Variants in MRPS18A observed in about 807,000 individuals in gnomAD.
MRPS18A encodes the protein mitochondrial ribosomal protein S18A, also known as large ribosomal subunit protein mL66.
In MRPS18A, 20 loss-of-function variants were observed where a neutral mutation model predicts 22.7. The observed-to-expected ratio is 0.88, with a 90% CI of 0.62 to 1.28. MRPS18A has a LOEUF of 1.28. Ranked by LOEUF, MRPS18A falls within the 50% of genes most tolerant of loss-of-function variation. The pLI is 0.00. For synonymous variants in MRPS18A, 106 were observed against 99.1 expected, an observed-to-expected ratio of 1.07 and a Z score of -0.41; for missense variants, 294 against 262.6, an observed-to-expected ratio of 1.12 and a Z score of -0.83.
intron 1 of MRPS18A, among the ~76,000 whole-genome samples, chr6:43,682,076 A>C (rs978956934): frequency 4.6e-5 from 7 of 152,158 alleles, no homozygotes; most frequent in African/African-American, 1.4e-4. Context: ...CTGAGGCGGG[A>C]AGAAATACTT....
chr6:43,675,524 C>T lies in MRPS18A; in HGVS notation c.346G>A (p.Glu116Lys), dbSNP rs746749172. 24 of 1,614,040 alleles carry T rather than the reference C, an allele frequency of 1.5e-5. No homozygotes were observed. In the East Asian group the frequency reaches 1.8e-4, roughly 12 times the overall value. The change falls in exon 4 of 6, where the codon GAG becomes AAG. Residue 116 changes from glutamate to lysine, a missense_variant. Coordinates refer to ENST00000372133, the MANE Select transcript of MRPS18A (RefSeq NM_018135.4). ...CGGTGGGCCATCTTCACACACTCCT[C>T]GATCTTGCGGTGTTCTTCCTGGCAT... ...GLCQEEHRKI[E>K]ECVKMAHRAG...
chr6:43,681,503 C>T (rs532787968), intron 1 of MRPS18A, among the ~76,000 whole-genome samples: 8 of 152,288 alleles, frequency 5.3e-5, no homozygotes, highest in East Asian at 1.9e-4. Flanking sequence ...TTCAAAAGTA[C>T]GCAGGCGGTG....
intron 5 of MRPS18A, 132 bp downstream of exon 5, chr6:43,675,070 C>T (rs927655280): frequency 8.0e-5 from 61 of 759,130 alleles, no homozygotes; most frequent in Non-Finnish European, 1.1e-4. Flanking sequence ...ACAGAAGAAG[C>T]GAAGACTGCA....
Position 43,671,268 on chromosome 6 carries a change from C to A in MRPS18A, c.*494G>T. ...GTGTGTCAGGCAGCCCACCTTGGCT[C>A]CCTGCAGCTCTCCCACAGTAAGGAG... On this transcript the variant is annotated 3_prime_UTR_variant, in exon 6 of 6. Coordinates refer to ENST00000372133, the MANE Select transcript of MRPS18A (RefSeq NM_018135.4). The A allele has an allele frequency of 2.0e-6, 1 of 495,884 alleles. No homozygotes were observed. The highest frequency in any genetic ancestry group is 3.7e-5 in the East Asian group (1 of 27,124). 30.7% of individuals were successfully genotyped at this position (495,884 alleles called of 1,614,324 possible). A position where few individuals can be genotyped will look rare whatever the true frequency, so the allele number is the denominator to read the frequency against.
At chr6:43,678,285 T>C (rs994197210) in intron 3 of MRPS18A, among the ~76,000 whole-genome samples, 1 of 152,186 alleles carries the variant, frequency 6.6e-6, no homozygotes, top group Admixed American at 6.5e-5. Flanking sequence ...AGACCACATC[T>C]ATGAAGTGGC....
At chr6:43,674,369 C>T (rs563798071) in intron 5 of MRPS18A, among the ~76,000 whole-genome samples, 9 of 152,282 alleles carry the variant, frequency 5.9e-5, no homozygotes, top group Admixed American at 1.3e-4. Context: ...CAATTACTTC[C>T]GCACCAACCT....
At chr6:43,677,710 G>A (rs961519501) in intron 3 of MRPS18A, among the ~76,000 whole-genome samples, 10 of 152,094 alleles carry the variant, frequency 6.6e-5, no homozygotes, top group African/African-American at 2.2e-4. Context: ...GTTCACAAAC[G>A]TCTCCATGTC....
At chr6:43,683,991 T>C (rs757577160) in intron 1 of MRPS18A, among the ~76,000 whole-genome samples, 7 of 151,954 alleles carry the variant, frequency 4.6e-5, no homozygotes, top group Non-Finnish European at 8.8e-5. Context: ...TGTGGTGAGA[T>C]TGCAGTGAAT....
At chr6:43,674,665 C>G (rs764289154) in intron 5 of MRPS18A, among the ~76,000 whole-genome samples, 1 of 152,162 alleles carries the variant, frequency 6.6e-6, no homozygotes, top group Non-Finnish European at 1.5e-5. Context: ...TGCAGGCCAT[C>G]CTCTCCTTCT....
chr6:43,687,763 G>A lies in MRPS18A; in HGVS notation c.17C>T (p.Ala6Val), dbSNP rs777975441. The A allele has an allele frequency of 2.5e-6, 4 of 1,577,814 alleles. No homozygotes were observed. The South Asian group carries it at 3.5e-5, about 14-fold the overall frequency. The change falls in exon 1 of 6, where the codon GCT becomes GTT. Residue 6 changes from alanine to valine, a missense_variant. Coordinates refer to ENST00000372133, the MANE Select transcript of MRPS18A (RefSeq NM_018135.4). MAALKALVSGCGRLLR... is the reference protein window; with the variant it reads MAALKVLVSGCGRLLR... The stretch of plus-strand genomic sequence containing the variant: ...AAGCCGCCCACAGCCGGACACCAGA[G>A]CCTTGAGGGCCGCCATCTTCAAAAA...
rs1774797265 is a variant in MRPS18A, at chr6:43,687,703, C to G, written c.77G>C (p.Ser26Thr). 6.3e-7 allele frequency: 1 copy of G among 1,584,322 alleles called. No individual in the cohort carries two copies. ...CCCGCGAGCTGGAAGCCGAGACCAG[C>G]TGGTCGCTGCCGGGCCCGCTAGTAG... ...RGLLAGPAAT[S>T]WSRLPARGFR... Residue 26 changes from serine to threonine, a missense_variant, in exon 1 of 6, where the codon AGC becomes ACC. Physicochemically the swap from Ser to Thr is moderately conservative, Grantham distance 58. Coordinates refer to ENST00000372133, the MANE Select transcript of MRPS18A (RefSeq NM_018135.4).
intron 1 of MRPS18A, among the ~76,000 whole-genome samples, chr6:43,683,128 G>A (rs922154685): frequency 2.6e-5 from 4 of 152,112 alleles, no homozygotes; most frequent in African/African-American, 9.7e-5. Flanking sequence ...ACCAAATCCT[G>A]AAGTCATCCC....
chr6:43,675,415 G>A (rs769978383), intron 4 of MRPS18A, 79 bp downstream of exon 4: 4 of 1,610,896 alleles, frequency 2.5e-6, no homozygotes, highest in Non-Finnish European at 3.4e-6. Context: ...TCTTCCAGGA[G>A]GGGCTGAAAC....
intron 3 of MRPS18A, among the ~76,000 whole-genome samples, chr6:43,676,776 G>A (rs1774075491): frequency 6.6e-6 from 1 of 152,244 alleles, no homozygotes; most frequent in Non-Finnish European, 1.5e-5. Context: ...CCAACTTGCT[G>A]CCCTGGCAGG....
chr6:43,678,040 C>G (rs1774157281), intron 3 of MRPS18A, among the ~76,000 whole-genome samples: 2 of 152,150 alleles, frequency 1.3e-5, no homozygotes, highest in African/African-American at 4.8e-5. Flanking sequence ...ATGATTCCAT[C>G]CCACAAGAGT....
intron 5 of MRPS18A, among the ~76,000 whole-genome samples, 157 bp downstream of exon 5, chr6:43,675,045 T>C (rs980920172): frequency 2.0e-5 from 3 of 152,104 alleles, no homozygotes; most frequent in African/African-American, 7.2e-5. Context: ...GAGGCTGAGG[T>C]TGGCAAAGAA....
rs1774797265 is a variant in MRPS18A at position 43,687,703 on chromosome 6, C to T, written c.77G>A (p.Ser26Asn). Residue 26 changes from serine (S) to asparagine (N), a missense_variant, in exon 1 of 6, where the codon AGC becomes AAC. Transcript: ENST00000372133. ...CCCGCGAGCTGGAAGCCGAGACCAG[C>T]TGGTCGCTGCCGGGCCCGCTAGTAG... The part of the protein sequence containing the change: ...RGLLAGPAAT[S>N]WSRLPARGFR... The T allele has an allele frequency of 1.3e-6, 2 of 1,584,440 alleles. No individual in the cohort carries two copies. Among genetic ancestry groups the T allele is most frequent in the Non-Finnish European group, 1.7e-6 (2 of 1,165,454 alleles).
At chr6:43,674,319 C>A (rs1193695964) in intron 5 of MRPS18A, among the ~76,000 whole-genome samples, 4 of 152,162 alleles carry the variant, frequency 2.6e-5, no homozygotes, top group African/African-American at 4.8e-5. Context: ...ATCTTTGATA[C>A]CTTACAGAGA....
intron 1 of MRPS18A, among the ~76,000 whole-genome samples, chr6:43,686,209 T>C (rs969077367): frequency 1.3e-5 from 2 of 152,258 alleles, no homozygotes; most frequent in African/African-American, 4.8e-5. Flanking sequence ...TCTGGAAGCA[T>C]AGCAAAATCT....
Sources: allele counts gnomAD v4.1 joint callset (sites outside exome capture counted in the v4.1 genomes callset), GRCh38; gene constraint gnomAD v4.1.1; transcripts MANE v1.5; gene names NCBI Gene and HGNC (gene_info 2026-07-23, HGNC 2026-07-21).